Variants in SIPA1L3 observed in about 807,000 individuals in gnomAD.
SIPA1L3 encodes the protein signal induced proliferation associated 1 like 3, also known as signal-induced proliferation-associated 1-like protein 3.
Under a neutral mutation model 150.1 loss-of-function variants are expected in SIPA1L3, and 59 were observed. That is an observed-to-expected ratio of 0.39 (90% CI 0.32 to 0.49). The LOEUF (loss-of-function observed/expected upper bound fraction) is 0.49. Ranked by LOEUF, SIPA1L3 falls within the 20% of genes least tolerant of loss-of-function variation. The pLI is 0.86. For missense variants in SIPA1L3, 2,211 were observed against 2,489.5 expected, an observed-to-expected ratio of 0.89 and a Z score of 2.38; for synonymous variants, 1,070 against 1,077.6, an observed-to-expected ratio of 0.99 and a Z score of 0.14.
intron 16 of SIPA1L3, among the ~76,000 whole-genome samples, chr19:38,183,385 G>T (rs984815294): frequency 6.6e-6 from 1 of 151,972 alleles, no homozygotes; most frequent in Non-Finnish European, 1.5e-5. Flanking sequence ...TGAGAAGGGG[G>T]CGGTTCCGGA....
In SIPA1L3 at chr19:38,082,180, C is replaced by T. The variant is rs906020209; in HGVS notation, c.615C>T (p.Thr205=). 8 of 1,604,596 alleles carry T rather than the reference C, an allele frequency of 5.0e-6. No homozygotes were observed. The highest frequency in any genetic ancestry group is 6.8e-6 in the Non-Finnish European group (8 of 1,179,746). The part of the protein sequence containing the change: ...ALPLFREYGS[T]SSIDVQGMPE... ...CCCTCTTCCGCGAGTACGGGAGCAC[C>T]TCGTCCATCGACGTGCAGGGCATGC... Residue 205 remains threonine, a synonymous_variant, in exon 3 of 22, where the codon ACC becomes ACT. Transcript: ENST00000222345.
intron 16 of SIPA1L3, among the ~76,000 whole-genome samples, chr19:38,183,785 G>GGCGGGGAGGTGCGGAT (rs1427253420): frequency 1.3e-5 from 2 of 152,176 alleles, no homozygotes; most frequent in African/African-American, 4.8e-5. Context: ...AGCCGGGGAA[G>GGCGGGGAGGTGCGGAT]GCGGGGAGGT....
intron 10 of SIPA1L3, among the ~76,000 whole-genome samples, chr19:38,140,374 T>C (rs1041570624): frequency 6.7e-6 from 1 of 149,914 alleles, no homozygotes; most frequent in African/African-American, 2.5e-5. Context: ...TCTGCATCTA[T>C]TTCAAGGTTG....
intron 9 of SIPA1L3, among the ~76,000 whole-genome samples, chr19:38,121,229 G>A (rs975183028): frequency 1.3e-5 from 2 of 152,154 alleles, no homozygotes; most frequent in Non-Finnish European, 2.9e-5. Flanking sequence ...ATGAGGTCAG[G>A]AGATCAAGAC....
At chr19:37,969,531 G>GCAGTGGC (rs1156401542) in intron 1 of SIPA1L3, among the ~76,000 whole-genome samples, 1 of 151,854 alleles carries the variant, frequency 6.6e-6, no homozygotes, top group African/African-American at 2.4e-5. Flanking sequence ...CAGCCTGGGT[G>GCAGTGGC]ACAGAGTTAT....
At chr19:38,187,007 C>CAAA (rs1046528016) in intron 16 of SIPA1L3, among the ~76,000 whole-genome samples, 39 of 80,288 alleles carry the variant, frequency 4.9e-4, no homozygotes, top group African/African-American at 1.6e-3. Flanking sequence ...AACTCTGTCT[C>CAAA]AAAAAAAAAA....
chr19:38,024,201 C>T (rs963420341), intron 1 of SIPA1L3, among the ~76,000 whole-genome samples: 1 of 152,108 alleles, frequency 6.6e-6, no homozygotes, highest in South Asian at 2.1e-4. Flanking sequence ...CCTGGCCAGC[C>T]CAGCAGAAAC....
chr19:38,175,393 G>A (rs59099128), intron 15 of SIPA1L3, among the ~76,000 whole-genome samples: 2,534 of 152,228 alleles, frequency 0.017, 64 homozygotes, highest in African/African-American at 0.057. Context: ...CAGACCAAAA[G>A]CATTGCACAC....
chr19:37,964,680 TA>T (rs1406064332), intron 1 of SIPA1L3: 2 of 152,174 alleles, frequency 1.3e-5, no homozygotes, highest in Admixed American at 1.3e-4. Context: ...GTATTTTTAG[TA>T]GAGACAGGGT....
At chr19:38,180,810 G>T (rs1446171632) in intron 15 of SIPA1L3, among the ~76,000 whole-genome samples, 1 of 152,084 alleles carries the variant, frequency 6.6e-6, no homozygotes, top group East Asian at 1.9e-4. Flanking sequence ...CTCCCAAAGT[G>T]CTGGAATTAC....
chr19:38,051,500 AG>A (rs1384982205), intron 2 of SIPA1L3, among the ~76,000 whole-genome samples: 1 of 152,180 alleles, frequency 6.6e-6, no homozygotes, highest in Admixed American at 6.5e-5. Flanking sequence ...TGAACTGACA[AG>A]TTGCCCTCAA....
chr19:38,109,905 C>G (rs1970700831), intron 7 of SIPA1L3: 1 of 287,312 alleles, frequency 3.5e-6, no homozygotes. Flanking sequence ...AAAGGCCTCC[C>G]TGGGAGGGTG....
chr19:37,912,838 A>T (rs891876278), intron 1 of SIPA1L3, among the ~76,000 whole-genome samples: 3 of 152,190 alleles, frequency 2.0e-5, no homozygotes, highest in Non-Finnish European at 2.9e-5. Context: ...AGAAAAAGTT[A>T]TATTGCAGGG....
rs563592916 is a variant in SIPA1L3, at chr19:38,019,957, G to A, written c.-378-9132G>A. On this transcript the variant is annotated intron_variant, in intron 1 of 21. Transcript: ENST00000222345. ...TTTTAAAAAGCATTACCCAGGTGTG[G>A]TGATGCACACCTGTAGTCCCAGCTA... 2.6e-5 allele frequency among the ~76,000 whole-genome samples: 4 copies of A among 152,236 alleles called. No individual in the cohort carries two copies. The East Asian group carries it at 5.8e-4, about 22-fold the overall frequency.
intron 8 of SIPA1L3, among the ~76,000 whole-genome samples, chr19:38,117,146 C>T (rs1014199776): frequency 6.6e-6 from 1 of 152,204 alleles, no homozygotes. Flanking sequence ...TTGCACTTCT[C>T]CTCCTCCCAG....
At chr19:37,931,371 A>G (rs892117322) in intron 1 of SIPA1L3, among the ~76,000 whole-genome samples, 1 of 151,946 alleles carries the variant, frequency 6.6e-6, no homozygotes, top group Non-Finnish European at 1.5e-5. Context: ...TAAAGCTCTC[A>G]CTGACTCTTC....
intron 15 of SIPA1L3, among the ~76,000 whole-genome samples, chr19:38,165,902 A>T (rs571752340): frequency 6.6e-6 from 1 of 152,270 alleles, no homozygotes; most frequent in African/African-American, 2.4e-5. Flanking sequence ...AGCTGAGATT[A>T]CAGGTGCCCA....
At position 38,164,289 on chromosome 19, in the gene SIPA1L3, T is replaced by A. The variant is rs1289892393; in HGVS notation, c.3781-190T>A. On this transcript the variant is annotated intron_variant, in intron 14 of 21. Transcript: ENST00000222345. The surrounding 1 kb of genome is among the most constrained non-coding windows in gnomAD (Gnocchi z 4.1). ...GGCAGGCTTACTATCACCCTCCATTTTACAGATGTGGAAACTGAGGCTGAG... is the reference window on the plus strand; with the variant it reads ...GGCAGGCTTACTATCACCCTCCATTATACAGATGTGGAAACTGAGGCTGAG... 2.0e-5 allele frequency among the ~76,000 whole-genome samples: 3 copies of A among 152,142 alleles called. No homozygotes were observed. Among genetic ancestry groups the A allele is most frequent in the African/African-American group, 7.2e-5 (3 of 41,426 alleles).
chr19:38,056,284 C>T (rs550567766), intron 2 of SIPA1L3, among the ~76,000 whole-genome samples: 21 of 152,366 alleles, frequency 1.4e-4, no homozygotes, highest in African/African-American at 4.6e-4. Context: ...TCTGTACCCT[C>T]GGCAGGTCAC....
Sources: gnomAD v4.1 joint callset for allele counts (sites outside exome capture counted in the v4.1 genomes callset) on GRCh38, gnomAD v4.1.1 for gene constraint, Gnocchi (gnomAD v3.1) non-coding constraint, MANE v1.5 for transcripts, NCBI Gene and HGNC (gene_info 2026-07-23, HGNC 2026-07-21) for gene names.